The following XNDC1N variants were observed in gnomAD, a reference collection of about 807,000 sequenced individuals.
XNDC1N encodes the protein protein XNDC1N.
At chr11:71,919,818 C>T in the XNDC1N span, among the ~76,000 whole-genome samples, 1 of 148,602 alleles carries the variant, frequency 6.7e-6, no homozygotes, top group Non-Finnish European at 1.5e-5. Context: ...GGGGTTTCAC[C>T]GTGTTAGCCA....
chr11:71,903,076 C>T, the XNDC1N span: 1 of 535,078 alleles, frequency 1.9e-6, no homozygotes, highest in South Asian at 1.9e-5. Flanking sequence ...AATCTGAAAA[C>T]ATTACTTGTG....
chr11:71,881,648 AT>A, the XNDC1N span, among the ~76,000 whole-genome samples: 1 of 152,018 alleles, frequency 6.6e-6, no homozygotes, highest in East Asian at 1.9e-4. Context: ...AAAAAAAAAA[AT>A]CTTCAAATAT....
At chr11:71,903,539 G>C in the XNDC1N span, 2 of 691,806 alleles carry the variant, frequency 2.9e-6, no homozygotes, top group Non-Finnish European at 5.3e-6. Context: ...ATGCTCCTGA[G>C]TGTGATGGCC....
At chr11:71,885,487 T>C in the XNDC1N span, among the ~76,000 whole-genome samples, 4 of 152,182 alleles carry the variant, frequency 2.6e-5, no homozygotes, top group African/African-American at 4.8e-5. Flanking sequence ...AATCACCGGG[T>C]GGATGCACAC....
chr11:71,912,384 C>A, the XNDC1N span, among the ~76,000 whole-genome samples: 1 of 152,052 alleles, frequency 6.6e-6, no homozygotes, highest in South Asian at 2.1e-4. Context: ...GGTGTAGACA[C>A]CCTGAGACAT....
At chr11:71,870,895 A>G in the XNDC1N span, among the ~76,000 whole-genome samples, 13 of 152,314 alleles carry the variant, frequency 8.5e-5, no homozygotes, top group African/African-American at 9.6e-5. Flanking sequence ...GGTGTGGGAG[A>G]GGATGTGTAG....
At chr11:71,878,645 G>T in the XNDC1N span, 1 of 875,778 alleles carries the variant, frequency 1.1e-6, no homozygotes, top group Non-Finnish European at 1.7e-6. Context: ...GAAGATTGAA[G>T]AGTTGATACT....
chr11:71,880,150 T>A, the XNDC1N span, among the ~76,000 whole-genome samples: 29 of 152,288 alleles, frequency 1.9e-4, no homozygotes, highest in South Asian at 6.2e-4. Context: ...TCAGAAAAGA[T>A]AAATAAGTCA....
the XNDC1N span, among the ~76,000 whole-genome samples, chr11:71,908,701 G>C: frequency 1.3e-5 from 2 of 152,128 alleles, no homozygotes; most frequent in African/African-American, 4.8e-5. Context: ...TTTGCTCCAA[G>C]CTGTTATCCA....
chr11:71,889,234 T>C, the XNDC1N span, among the ~76,000 whole-genome samples: 2 of 152,240 alleles, frequency 1.3e-5, no homozygotes, highest in Non-Finnish European at 2.9e-5. Flanking sequence ...AAAGGGCCTA[T>C]TGAATTCTAG....
chr11:71,909,661 C>T, the XNDC1N span, among the ~76,000 whole-genome samples: 59 of 152,262 alleles, frequency 3.9e-4, no homozygotes, highest in African/African-American at 1.4e-3. Context: ...CCTTGTTGCC[C>T]CCTTATCCAA....
chr11:71,925,879 C>CA, the XNDC1N span: 12 of 151,066 alleles, frequency 7.9e-5, no homozygotes, highest in South Asian at 2.3e-3. Context: ...GACTCCGTCT[C>CA]AAAAAAAATA....
the XNDC1N span, chr11:71,917,319 A>AAT: frequency 1.6e-6 from 1 of 644,340 alleles, no homozygotes; most frequent in African/African-American, 1.8e-5. Flanking sequence ...TGGCCACAAA[A>AAT]ATATATTAAT....
the XNDC1N span, among the ~76,000 whole-genome samples, chr11:71,875,620 G>A: frequency 1.3e-5 from 2 of 151,890 alleles, no homozygotes; most frequent in Non-Finnish European, 2.9e-5. Context: ...AAAGGGAAAA[G>A]CATTCATTAA....
chr11:71,885,126 G>A, the XNDC1N span, among the ~76,000 whole-genome samples: 470 of 151,036 alleles, frequency 3.1e-3, 4 homozygotes, highest in African/African-American at 0.01. Context: ...TTGTACACCC[G>A]TCTGTATTGG....
At chr11:71,875,418 AAAT>A in the XNDC1N span, among the ~76,000 whole-genome samples, 3 of 152,102 alleles carry the variant, frequency 2.0e-5, no homozygotes, top group African/African-American at 7.2e-5. Context: ...GAATCAATAA[AAAT>A]AAAATATACT....
chr11:71,884,565 T>C, the XNDC1N span: 3 of 1,597,910 alleles, frequency 1.9e-6, no homozygotes, highest in African/African-American at 1.3e-5. Flanking sequence ...GTGGTGAAAA[T>C]TCTAACTCCA....
the XNDC1N span, among the ~76,000 whole-genome samples, chr11:71,899,830 C>T: frequency 6.6e-6 from 1 of 152,220 alleles, no homozygotes; most frequent in African/African-American, 2.4e-5. Context: ...GTGGATTAGT[C>T]AAAGAGGAAA....
the XNDC1N span, among the ~76,000 whole-genome samples, chr11:71,888,613 T>C: frequency 6.6e-6 from 1 of 152,184 alleles, no homozygotes; most frequent in Non-Finnish European, 1.5e-5. Context: ...CCTACCTCTC[T>C]CAACAACTAG....
Sources: gnomAD v4.1 joint callset for allele counts (sites outside exome capture counted in the v4.1 genomes callset) on GRCh38, gnomAD v4.1.1 for gene constraint, MANE v1.5 for transcripts, NCBI Gene and HGNC (gene_info 2026-07-23, HGNC 2026-07-21) for gene names.